SSBP2: variants seen among roughly 807,000 people sequenced by gnomAD.
The protein encoded by SSBP2 is single stranded DNA binding protein 2, also known as single-stranded DNA-binding protein 2.
Under a neutral mutation model 61.8 loss-of-function variants are expected in SSBP2, and 17 were observed. That is an observed-to-expected ratio of 0.28 (90% CI 0.19 to 0.41). The LOEUF (loss-of-function observed/expected upper bound fraction) is 0.41. SSBP2 is among the 10% of genes least tolerant of loss of function. SSBP2 has a pLI of 1.00. For synonymous variants in SSBP2, 139 were observed against 141.3 expected (o/e 0.98, Z 0.12); for missense variants, 310 against 458.7 (o/e 0.68, Z 2.96).
chr5:81,442,782 CA>C (rs1247408955), intron 12 of SSBP2, 59 bp from the exon 13 acceptor site: 151 of 878,100 alleles, frequency 1.7e-4, no homozygotes, highest in Non-Finnish European at 2.6e-4. Context: ...CAATTCATCA[CA>C]AAGTAATGAT....
Position 81,710,616 on chromosome 5 carries a change from G to GT in SSBP2, c.62+40364_62+40365insA, listed in dbSNP as rs1754710478. 5 of 442,564 alleles carry GT rather than the reference G, an allele frequency of 1.1e-5. No individual in the cohort carries two copies. In the East Asian group the frequency reaches 3.5e-4, roughly 31 times the overall value. 27.4% of individuals were successfully genotyped at this position (442,564 alleles called of 1,614,324 possible). On this transcript the variant is annotated intron_variant, in intron 1 of 16. Transcript: ENST00000320672. ...AACTGAAAACAACTTATTCTTAACT[G>GT]ACAAGCACAAACCTACAAATAGGAA... is the stretch of plus-strand genomic sequence containing the variant.
At chr5:81,644,575 G>A (rs765008957) in intron 2 of SSBP2, among the ~76,000 whole-genome samples, 1 of 152,184 alleles carries the variant, frequency 6.6e-6, no homozygotes, top group Non-Finnish European at 1.5e-5. Flanking sequence ...TCAAGTTAAT[G>A]TTGGTGCCTA....
chr5:81,717,835 C>T (rs1395152051), intron 1 of SSBP2, among the ~76,000 whole-genome samples: 1 of 152,114 alleles, frequency 6.6e-6, no homozygotes, highest in African/African-American at 2.4e-5. Flanking sequence ...TTTTATCTCT[C>T]CAGCCATAAG....
intron 5 of SSBP2, among the ~76,000 whole-genome samples, chr5:81,498,215 C>T (rs1330617279): frequency 6.6e-6 from 1 of 151,972 alleles, no homozygotes; most frequent in Non-Finnish European, 1.5e-5. Context: ...GATTAAAAAC[C>T]TGTAAGAAAA....
At chr5:81,662,602 G>A (rs1750786926) in intron 1 of SSBP2, among the ~76,000 whole-genome samples, 1 of 152,034 alleles carries the variant, frequency 6.6e-6, no homozygotes, top group African/African-American at 2.4e-5. Context: ...AGGAGTTCAA[G>A]ACCAGCCTGG....
intron 4 of SSBP2, among the ~76,000 whole-genome samples, chr5:81,571,530 G>A (rs1314162203): frequency 3.9e-5 from 6 of 152,114 alleles, no homozygotes; most frequent in South Asian, 2.1e-4. Context: ...AAAACTCCCC[G>A]TTATATTTTC....
intron 5 of SSBP2, among the ~76,000 whole-genome samples, chr5:81,509,172 C>A (rs1216798722): frequency 6.6e-6 from 1 of 152,136 alleles, no homozygotes; most frequent in Non-Finnish European, 1.5e-5. Context: ...GAGTCTTTAT[C>A]CTAGCCAGCC....
intron 1 of SSBP2, among the ~76,000 whole-genome samples, chr5:81,704,111 G>A (rs547445973): frequency 6.6e-6 from 1 of 152,276 alleles, no homozygotes; most frequent in African/African-American, 2.4e-5. Context: ...CAACCAATGA[G>A]GTACAGGGTT....
chr5:81,543,755 TA>T (rs1351269500), intron 4 of SSBP2, among the ~76,000 whole-genome samples: 3 of 152,206 alleles, frequency 2.0e-5, no homozygotes, highest in Non-Finnish European at 4.4e-5. Flanking sequence ...AGGCATTCAA[TA>T]ATTATTTGCT....
intron 4 of SSBP2, among the ~76,000 whole-genome samples, chr5:81,572,546 T>C (rs1773913888): frequency 6.6e-6 from 1 of 152,166 alleles, no homozygotes; most frequent in Non-Finnish European, 1.5e-5. Flanking sequence ...GAATGGCTCA[T>C]TGGTATTAAG....
intron 1 of SSBP2, among the ~76,000 whole-genome samples, chr5:81,684,345 A>G (rs1217349297): frequency 6.6e-6 from 1 of 152,220 alleles, no homozygotes; most frequent in African/African-American, 2.4e-5. Flanking sequence ...GCCAATCTGA[A>G]AAGGCTATGA....
chr5:81,560,795 T>C (rs1772984334), intron 4 of SSBP2, among the ~76,000 whole-genome samples: 1 of 152,216 alleles, frequency 6.6e-6, no homozygotes, highest in African/African-American at 2.4e-5. Context: ...AGGTATTAAA[T>C]TGTATATATT....
Position 81,418,621 on chromosome 5 carries a change from G to A in SSBP2, c.*1883C>T, listed in dbSNP as rs1256168535. The stretch of plus-strand genomic sequence containing the variant: ...GAGTGTACTTACACAAACCTAGATG[G>A]TATAGGCTCCTACACACCTAGGCTA... On this transcript the variant is annotated 3_prime_UTR_variant, in exon 17 of 17. Coordinates refer to ENST00000320672, the MANE Select transcript of SSBP2 (RefSeq NM_012446.5). 6.6e-6 allele frequency: 1 copy of A among 152,088 alleles called. No homozygotes were observed. Among genetic ancestry groups the A allele is most frequent in the Non-Finnish European group, 1.5e-5 (1 of 68,000 alleles). 9.4% of individuals were successfully genotyped at this position (152,088 alleles called of 1,614,324 possible).
chr5:81,427,557 C>T (rs35856763), intron 16 of SSBP2, among the ~76,000 whole-genome samples: 15,273 of 152,120 alleles, frequency 0.1, 813 homozygotes, highest in Middle Eastern at 0.16. Flanking sequence ...TAAAGGTAGA[C>T]GTGCTATTAG....
In SSBP2 at chr5:81,475,933, TTG is replaced by T. The variant is rs140660917; in HGVS notation, c.433-1373_433-1372del. ...ATACACACAGAGGAATTATCCCAGA[TTG>T]TGTGTGTGTGCATGCATGTATAATT... On this transcript the variant is annotated intron_variant, in intron 6 of 16. Transcript: ENST00000320672. Among the ~76,000 whole-genome samples, 4 of 151,880 alleles carry T rather than the reference TTG, an allele frequency of 2.6e-5. No individual in the cohort carries two copies. The East Asian group carries it at 7.7e-4, about 29-fold the overall frequency.
At chr5:81,654,888 AG>A (rs1168935326) in intron 1 of SSBP2, among the ~76,000 whole-genome samples, 1 of 152,118 alleles carries the variant, frequency 6.6e-6, no homozygotes, top group African/African-American at 2.4e-5. Flanking sequence ...GAGTAATCCC[AG>A]GAAGTGGAAG....
intron 3 of SSBP2, among the ~76,000 whole-genome samples, chr5:81,623,331 C>CTTTTTTTT (rs35687529): frequency 2.7e-5 from 3 of 110,592 alleles, no homozygotes; most frequent in Non-Finnish European, 5.5e-5. Flanking sequence ...CATTGTAGTA[C>CTTTTTTTT]TTTTTTTTTT....
chr5:81,740,777 C>T (rs1756963289), intron 1 of SSBP2, among the ~76,000 whole-genome samples: 1 of 152,236 alleles, frequency 6.6e-6, no homozygotes, highest in African/African-American at 2.4e-5. Flanking sequence ...ATCTTCCTCT[C>T]TGGTGAGCAC....
At chr5:81,572,882 C>T (rs1243871302) in intron 4 of SSBP2, among the ~76,000 whole-genome samples, 1 of 152,096 alleles carries the variant, frequency 6.6e-6, no homozygotes, top group Non-Finnish European at 1.5e-5. Context: ...TGAACTACAG[C>T]TCAAGTTTGC....
Sources: allele counts gnomAD v4.1 joint callset (sites outside exome capture counted in the v4.1 genomes callset), GRCh38; gene constraint gnomAD v4.1.1; transcripts MANE v1.5; gene names NCBI Gene and HGNC (gene_info 2026-07-23, HGNC 2026-07-21).